GABRB2: variants seen among roughly 807,000 people sequenced by gnomAD.
The protein encoded by GABRB2 is gamma-aminobutyric acid receptor subunit beta-2.
GABRB2 carries 16 observed loss-of-function variants against 54.7 expected under a neutral mutation model. The ratio of observed to expected loss-of-function variants is 0.29; its 90% CI spans 0.20 to 0.44. GABRB2 has a LOEUF of 0.44. GABRB2 is among the 20% of genes least tolerant of loss of function. The pLI, the probability that GABRB2 is intolerant of heterozygous loss-of-function variation, is 1.00. For missense variants in GABRB2, 355 were observed against 644.0 expected (o/e 0.55, Z 4.86); for synonymous variants, 244 against 233.8 (o/e 1.04, Z -0.40).
At chr5:161,500,840 T>C (rs1219358602) in intron 3 of GABRB2, among the ~76,000 whole-genome samples, 1 of 152,160 alleles carries the variant, frequency 6.6e-6, no homozygotes, top group African/African-American at 2.4e-5. Flanking sequence ...TTTTTTTTTC[T>C]TTTATTATTA....
At chr5:161,390,650 T>C (rs1280782835) in intron 5 of GABRB2, among the ~76,000 whole-genome samples, 3 of 152,124 alleles carry the variant, frequency 2.0e-5, no homozygotes, top group African/African-American at 4.8e-5. Flanking sequence ...ATCTCTGTAC[T>C]ATATTTGCAA....
intron 5 of GABRB2, among the ~76,000 whole-genome samples, chr5:161,345,084 C>A (rs1451110573): frequency 6.6e-6 from 1 of 151,978 alleles, no homozygotes; most frequent in African/African-American, 2.4e-5. Flanking sequence ...AGGAGAAATA[C>A]CTGATGTTGA....
At chr5:161,360,240 A>C (rs1314660073) in intron 5 of GABRB2, among the ~76,000 whole-genome samples, 1 of 152,222 alleles carries the variant, frequency 6.6e-6, no homozygotes, top group East Asian at 1.9e-4. Flanking sequence ...CTTTAGAAAA[A>C]AAAATGACTG....
chr5:161,495,133 T>C (rs756504959), intron 3 of GABRB2, among the ~76,000 whole-genome samples: 9 of 152,012 alleles, frequency 5.9e-5, no homozygotes, highest in Non-Finnish European at 1.2e-4. Flanking sequence ...AATCTTCATA[T>C]TTTGAACACT....
chr5:161,344,934 T>C (rs1754276308), intron 5 of GABRB2, among the ~76,000 whole-genome samples: 1 of 151,958 alleles, frequency 6.6e-6, no homozygotes, highest in Admixed American at 6.6e-5. Flanking sequence ...CTGAGCAAAC[T>C]AACACAGGAA....
At chr5:161,448,362 G>T (rs955508575) in intron 4 of GABRB2, among the ~76,000 whole-genome samples, 2 of 152,084 alleles carry the variant, frequency 1.3e-5, no homozygotes, top group African/African-American at 2.4e-5. Context: ...ATTCGAAGCT[G>T]CTCTGAACTA....
At chr5:161,393,089 A>T (rs1755881881) in intron 5 of GABRB2, among the ~76,000 whole-genome samples, 1 of 151,894 alleles carries the variant, frequency 6.6e-6, no homozygotes, top group South Asian at 2.1e-4. Flanking sequence ...TTTTTAAAAA[A>T]TAAAAAAATA....
At chr5:161,297,788 G>GTATA (rs1166256635) in intron 9 of GABRB2, among the ~76,000 whole-genome samples, 2 of 152,138 alleles carry the variant, frequency 1.3e-5, no homozygotes, top group African/African-American at 4.8e-5. Flanking sequence ...ATTCTTTTGA[G>GTATA]TATATACTCG....
At chr5:161,327,028 C>T in intron 8 of GABRB2, 2 of 859,800 alleles carry the variant, frequency 2.3e-6, no homozygotes, top group Non-Finnish European at 2.8e-6. Context: ...CAATCAAAAG[C>T]AAATTCCATT....
chr5:161,542,858 A>T (rs1760862117), intron 3 of GABRB2, among the ~76,000 whole-genome samples: 1 of 152,254 alleles, frequency 6.6e-6, no homozygotes, highest in African/African-American at 2.4e-5. Context: ...AGACCTACAT[A>T]CAGGGTACAA....
At chr5:161,318,213 T>C (rs1278791253) in intron 9 of GABRB2, among the ~76,000 whole-genome samples, 4 of 152,008 alleles carry the variant, frequency 2.6e-5, no homozygotes, top group Non-Finnish European at 4.4e-5. Flanking sequence ...AGAGAAAATA[T>C]ATATAGAAAT....
Position 161,294,357 on chromosome 5 carries a change from C to T in GABRB2, c.1263G>A (p.Val421=). Residue 421 remains valine, a synonymous_variant, in exon 10 of 10, where the codon GTG becomes GTA. Transcript: ENST00000393959. The stretch of plus-strand genomic sequence containing the variant: ...TGCTTCTGGGGTCTCCAAGTCCCAT[C>T]ACAGCCTCAGATGTGGCCATTTCAT... ...IKNEMATSEA[V]MGLGDPRSTM... is the part of the protein sequence containing the mutation. 6.2e-7 allele frequency: 1 copy of T among 1,614,136 alleles called. No individual in the cohort carries two copies. The highest frequency in any genetic ancestry group is 1.3e-5 in the African/African-American group (1 of 75,032).
At chr5:161,314,891 T>C (rs965719167) in intron 9 of GABRB2, among the ~76,000 whole-genome samples, 3 of 152,188 alleles carry the variant, frequency 2.0e-5, no homozygotes, top group African/African-American at 4.8e-5. Flanking sequence ...TAAATGTTAA[T>C]AATATATGTA....
chr5:161,481,374 A>G (rs1377877018), intron 3 of GABRB2, among the ~76,000 whole-genome samples: 3 of 152,054 alleles, frequency 2.0e-5, no homozygotes, highest in African/African-American at 7.2e-5. Flanking sequence ...CCTCCTTCTA[A>G]TTATTACTCA....
chr5:161,533,679 T>A (rs1760537948), intron 3 of GABRB2, among the ~76,000 whole-genome samples: 1 of 152,086 alleles, frequency 6.6e-6, no homozygotes, highest in Admixed American at 6.6e-5. Context: ...AAGACTCCTT[T>A]CTTTGCAAAA....
At chr5:161,316,851 A>G (rs1758048988) in intron 9 of GABRB2, among the ~76,000 whole-genome samples, 2 of 152,162 alleles carry the variant, frequency 1.3e-5, no homozygotes, top group Non-Finnish European at 2.9e-5. Flanking sequence ...ACTTCAGGTG[A>G]TCCACCTGCC....
intron 9 of GABRB2, among the ~76,000 whole-genome samples, chr5:161,298,962 T>C (rs1757460376): frequency 6.6e-6 from 1 of 152,164 alleles, no homozygotes; most frequent in Non-Finnish European, 1.5e-5. Flanking sequence ...GCTATTTTTA[T>C]GCTTTTTCAT....
At chr5:161,356,305 T>C (rs1754625446) in intron 5 of GABRB2, among the ~76,000 whole-genome samples, 1 of 152,160 alleles carries the variant, frequency 6.6e-6, no homozygotes, top group Non-Finnish European at 1.5e-5. Flanking sequence ...CAAGGCCCTA[T>C]GTGATTTGAA....
chr5:161,440,337 T>C (rs184880790), intron 4 of GABRB2, among the ~76,000 whole-genome samples: 2 of 152,234 alleles, frequency 1.3e-5, no homozygotes, highest in East Asian at 3.9e-4. Flanking sequence ...ATCTGTTGCC[T>C]ACAAGAAACG....
Sources: gnomAD v4.1 joint callset for allele counts (sites outside exome capture counted in the v4.1 genomes callset) on GRCh38, gnomAD v4.1.1 for gene constraint, MANE v1.5 for transcripts, NCBI Gene and HGNC (gene_info 2026-07-23, HGNC 2026-07-21) for gene names.